Variants in PAPSS1 observed in about 807,000 individuals in gnomAD.
PAPSS1 encodes the protein 3'-phosphoadenosine 5'-phosphosulfate synthase 1.
A neutral mutation model predicts 72.0 loss-of-function variants in PAPSS1; 50 were observed. That is an observed-to-expected ratio of 0.69 (90% confidence interval 0.55 to 0.88). PAPSS1 has a LOEUF of 0.88. Among genes scored for constraint, PAPSS1 ranks in the 40% least tolerant of loss-of-function variants. PAPSS1 has a pLI of 0.00. For synonymous variants in PAPSS1, 261 were observed against 263.6 expected, an observed-to-expected ratio of 0.99 and a Z score of 0.09; for missense variants, 657 against 782.2, an observed-to-expected ratio of 0.84 and a Z score of 1.91.
At chr4:107,621,522 C>T (rs549302849) in intron 11 of PAPSS1, among the ~76,000 whole-genome samples, 13 of 151,760 alleles carry the variant, frequency 8.6e-5, no homozygotes, top group Admixed American at 3.9e-4. Flanking sequence ...ACTCCATTTA[C>T]CCCTTATTCA....
rs768629317 is a variant in PAPSS1 at position 107,631,620 on chromosome 4, G to A, written c.1736+11C>T. Reference sequence around the variant, plus strand: ...TACTTCAAAGATTTGTACAGAGAATGTAAGACTTACTGTTCAGAGTCATAG... The same window carrying A: ...TACTTCAAAGATTTGTACAGAGAATATAAGACTTACTGTTCAGAGTCATAG... On this transcript the variant is annotated intron_variant, in intron 11 of 11. Coordinates refer to ENST00000265174, the MANE Select transcript of PAPSS1 (RefSeq NM_005443.5). The A allele has an allele frequency of 4.4e-6, 7 of 1,577,856 alleles. No individual in the cohort carries two copies. In the African/African-American group the frequency reaches 9.5e-5, roughly 21 times the overall value.
At chr4:107,689,719 C>G (rs1398999155) in intron 3 of PAPSS1, among the ~76,000 whole-genome samples, 1 of 152,096 alleles carries the variant, frequency 6.6e-6, no homozygotes, top group Non-Finnish European at 1.5e-5. Context: ...GTTAATGATT[C>G]CTAAATCTAG....
At chr4:107,707,952 A>G (rs888485306) in intron 1 of PAPSS1, among the ~76,000 whole-genome samples, 9 of 152,148 alleles carry the variant, frequency 5.9e-5, no homozygotes, top group Admixed American at 2.0e-4. Flanking sequence ...AATCCTGTAC[A>G]GCAGAAATGC....
intron 3 of PAPSS1, among the ~76,000 whole-genome samples, chr4:107,688,325 T>C (rs1722839890): frequency 6.6e-6 from 1 of 152,126 alleles, no homozygotes; most frequent in Non-Finnish European, 1.5e-5. Context: ...ACGCTTATAG[T>C]CCCAGCTACT....
At chr4:107,677,737 G>A (rs1379076864) in intron 5 of PAPSS1, among the ~76,000 whole-genome samples, 7 of 152,172 alleles carry the variant, frequency 4.6e-5, no homozygotes, top group South Asian at 2.1e-4. Context: ...ACATGTACAC[G>A]TATGTTTATT....
intron 10 of PAPSS1, among the ~76,000 whole-genome samples, chr4:107,637,029 T>C (rs1353192649): frequency 1.3e-5 from 2 of 152,200 alleles, no homozygotes; most frequent in Non-Finnish European, 2.9e-5. Context: ...AAAAAATTTA[T>C]CTATGAAAAT....
chr4:107,650,191 C>T (rs1340294161), intron 9 of PAPSS1, among the ~76,000 whole-genome samples: 2 of 152,204 alleles, frequency 1.3e-5, no homozygotes, highest in Non-Finnish European at 2.9e-5. Context: ...CACATCAGAA[C>T]TGACTTGTTA....
intron 4 of PAPSS1, among the ~76,000 whole-genome samples, chr4:107,684,967 A>G (rs1479617856): frequency 2.6e-5 from 4 of 151,956 alleles, no homozygotes; most frequent in Admixed American, 6.6e-5. Context: ...GTGCAGTGGC[A>G]CAATTTCGGC....
intron 9 of PAPSS1, among the ~76,000 whole-genome samples, chr4:107,645,735 G>C (rs1726676983): frequency 6.6e-6 from 1 of 152,172 alleles, no homozygotes; most frequent in African/African-American, 2.4e-5. Context: ...CGTGGTGCTT[G>C]CTAGCAGGAG....
chr4:107,654,964 C>G, intron 7 of PAPSS1, 64 bp from the exon 8 acceptor site: 1 of 1,174,528 alleles, frequency 8.5e-7, no homozygotes, highest in African/African-American at 1.5e-5. Flanking sequence ...TACTTAACAC[C>G]CACCTTTCAC....
intron 2 of PAPSS1, among the ~76,000 whole-genome samples, chr4:107,696,829 T>C (rs1417817561): frequency 6.6e-6 from 1 of 152,162 alleles, no homozygotes; most frequent in Non-Finnish European, 1.5e-5. Flanking sequence ...TTAATGACTG[T>C]AGCCAGCTGC....
In PAPSS1 at chr4:107,653,187, T is replaced by C. The variant is rs185095711; in HGVS notation, c.1237+304A>G. On this transcript the variant is annotated intron_variant, in intron 9 of 11. Coordinates refer to ENST00000265174, the MANE Select transcript of PAPSS1 (RefSeq NM_005443.5). The stretch of plus-strand genomic sequence containing the variant: ...CTCTGACATATAAAGCATATTTATA[T>C]GAGTGAATTATTCAAATAATATTCT... Among the ~76,000 whole-genome samples the C allele has an allele frequency of 5.4e-4, 82 of 152,064 alleles. 1 individual carries two copies. The South Asian group carries it at 0.016, about 30-fold the overall frequency.
At chr4:107,615,575 T>TACA (rs1320052861) in intron 11 of PAPSS1, among the ~76,000 whole-genome samples, 5 of 152,334 alleles carry the variant, frequency 3.3e-5, no homozygotes, top group Admixed American at 2.0e-4. Context: ...AAAGTCATTT[T>TACA]ACAACAGCAA....
chr4:107,623,077 C>T (rs558981420), intron 11 of PAPSS1, among the ~76,000 whole-genome samples: 1 of 152,306 alleles, frequency 6.6e-6, no homozygotes, highest in Admixed American at 6.5e-5. Context: ...CCATATGATA[C>T]TGATACATGC....
chr4:107,687,251 A>C, intron 3 of PAPSS1, 74 bp from the exon 4 acceptor site: 1 of 1,105,528 alleles, frequency 9.0e-7, no homozygotes, highest in Non-Finnish European at 1.2e-6. Context: ...GATGAGTAAA[A>C]AGTGCTTCTC....
chr4:107,616,400 C>G (rs1313998072), intron 11 of PAPSS1, among the ~76,000 whole-genome samples: 1 of 152,068 alleles, frequency 6.6e-6, no homozygotes, highest in Non-Finnish European at 1.5e-5. Flanking sequence ...TATTAACACA[C>G]CTGTAAATGA....
At chr4:107,678,391 A>G (rs1727717856) in intron 5 of PAPSS1, among the ~76,000 whole-genome samples, 1 of 152,180 alleles carries the variant, frequency 6.6e-6, no homozygotes, top group African/African-American at 2.4e-5. Context: ...AAAAGAGAGC[A>G]TCACCTAACA....
chr4:107,665,366 T>C (rs1333001110), intron 5 of PAPSS1, among the ~76,000 whole-genome samples: 1 of 152,202 alleles, frequency 6.6e-6, no homozygotes, highest in South Asian at 2.1e-4. Flanking sequence ...AGAAAGTTGG[T>C]CCCTGCCACA....
At chr4:107,676,847 A>G (rs1033743600) in intron 5 of PAPSS1, among the ~76,000 whole-genome samples, 1 of 152,188 alleles carries the variant, frequency 6.6e-6, no homozygotes, top group African/African-American at 2.4e-5. Flanking sequence ...ATATAGACCA[A>G]TGGAACAGAA....
Sources: gnomAD v4.1 joint callset for allele counts (sites outside exome capture counted in the v4.1 genomes callset) on GRCh38, gnomAD v4.1.1 for gene constraint, MANE v1.5 for transcripts, NCBI Gene and HGNC (gene_info 2026-07-23, HGNC 2026-07-21) for gene names.